ERBB4: variants seen among roughly 807,000 people sequenced by gnomAD.
The protein encoded by ERBB4 is receptor tyrosine-protein kinase erbB-4.
A neutral mutation model predicts 158.0 loss-of-function variants in ERBB4; 42 were observed. The ratio of observed to expected loss-of-function variants is 0.27; its 90% CI spans 0.21 to 0.34. ERBB4 has a LOEUF of 0.34. Ranked by LOEUF, ERBB4 falls within the 10% of genes least tolerant of loss-of-function variation. ERBB4 has a pLI of 1.00. For missense variants in ERBB4, 1,333 were observed against 1,624.1 expected (o/e 0.82, Z 3.08); for synonymous variants, 583 against 558.7 (o/e 1.04, Z -0.61).
intron 8 of ERBB4, among the ~76,000 whole-genome samples, chr2:211,712,646 T>C (rs928605822): frequency 6.6e-6 from 1 of 152,124 alleles, no homozygotes; most frequent in Non-Finnish European, 1.5e-5. Flanking sequence ...GGAGAATATA[T>C]GCAAATAAAG....
rs1159274288 is a variant in ERBB4, at chr2:211,772,924, C to CATATATAT, written c.556+15093_556+15100dup. 3.8e-3 allele frequency among the ~76,000 whole-genome samples: 139 copies of CATATATAT among 36,716 alleles called. 1 individual carries two copies. Among genetic ancestry groups the CATATATAT allele is most frequent in the East Asian group, 9.3e-3 (7 of 752 alleles). The allele number at this position is 36,716 out of a possible 152,430, so 24.1% of individuals were successfully genotyped here. A position where few individuals can be genotyped will look rare whatever the true frequency, so the allele number is the denominator to read the frequency against. On this transcript the variant is annotated intron_variant, in intron 4 of 27. Transcript: ENST00000342788. ...ATATATATATACACACACACACACA[C>CATATATAT]ATATATATATATATATATATATATA...
At chr2:211,395,761 T>G (rs1405489894) in intron 25 of ERBB4, among the ~76,000 whole-genome samples, 2 of 152,060 alleles carry the variant, frequency 1.3e-5, no homozygotes, top group Non-Finnish European at 2.9e-5. Context: ...CAAAACAGGT[T>G]GCCCTTCACA....
intron 5 of ERBB4, among the ~76,000 whole-genome samples, chr2:211,748,986 A>G (rs1046962705): frequency 2.0e-5 from 3 of 152,254 alleles, no homozygotes; most frequent in African/African-American, 7.2e-5. Context: ...TGAATTTCAC[A>G]CAATAATCTC....
chr2:212,383,572 C>T (rs2090580210), intron 1 of ERBB4, among the ~76,000 whole-genome samples: 2 of 151,480 alleles, frequency 1.3e-5, no homozygotes, highest in Non-Finnish European at 3.0e-5. Flanking sequence ...CTTTAACATG[C>T]AATGTTTAAC....
chr2:212,379,833 CTG>C (rs1019241636), intron 1 of ERBB4, among the ~76,000 whole-genome samples: 1 of 148,984 alleles, frequency 6.7e-6, no homozygotes, highest in Non-Finnish European at 1.5e-5. Context: ...GTGTGTGTGT[CTG>C]TGTGTGTGTG....
intron 1 of ERBB4, among the ~76,000 whole-genome samples, chr2:212,178,318 GGACACTA>G (rs2081743348): frequency 6.6e-6 from 1 of 151,398 alleles, no homozygotes; most frequent in African/African-American, 2.4e-5. Flanking sequence ...GCAATTAAGA[GGACACTA>G]AAGGATTTCA....
intron 3 of ERBB4, among the ~76,000 whole-genome samples, chr2:211,843,816 C>T (rs1197159872): frequency 6.6e-6 from 1 of 151,780 alleles, no homozygotes; most frequent in East Asian, 1.9e-4. Context: ...ATCACTAGTA[C>T]TTGATAAATG....
intron 2 of ERBB4, among the ~76,000 whole-genome samples, chr2:212,056,112 C>T (rs529017623): frequency 2.6e-5 from 4 of 152,146 alleles, no homozygotes; most frequent in Admixed American, 6.5e-5. Context: ...AAACATGGCA[C>T]GAGAACTACG....
intron 4 of ERBB4, among the ~76,000 whole-genome samples, chr2:211,771,394 T>C (rs2075688800): frequency 6.6e-6 from 1 of 152,206 alleles, no homozygotes; most frequent in Non-Finnish European, 1.5e-5. Flanking sequence ...GGTGGAAAAT[T>C]GCCATTTTAA....
At chr2:212,048,264 G>A (rs1190782655) in intron 2 of ERBB4, among the ~76,000 whole-genome samples, 1 of 152,140 alleles carries the variant, frequency 6.6e-6, no homozygotes, top group African/African-American at 2.4e-5. Context: ...TACTTTAAGT[G>A]CAATGGGAAT....
intron 1 of ERBB4, among the ~76,000 whole-genome samples, chr2:212,279,885 G>A (rs2085688221): frequency 6.6e-6 from 1 of 151,424 alleles, no homozygotes; most frequent in African/African-American, 2.4e-5. Flanking sequence ...GTTGCATATA[G>A]GCCAAAAATG....
chr2:212,017,679 C>G (rs955394191), intron 2 of ERBB4, among the ~76,000 whole-genome samples: 1 of 152,006 alleles, frequency 6.6e-6, no homozygotes, highest in Non-Finnish European at 1.5e-5. Flanking sequence ...ACTCTTAATA[C>G]CTGGAAGTGA....
chr2:211,711,319 T>C (rs963981512), intron 9 of ERBB4, among the ~76,000 whole-genome samples: 1 of 152,152 alleles, frequency 6.6e-6, no homozygotes, highest in East Asian at 1.9e-4. Context: ...ATATGAGAGA[T>C]ATTCTTTATC....
At chr2:211,946,862 C>T (rs888943850) in intron 3 of ERBB4, among the ~76,000 whole-genome samples, 2 of 151,906 alleles carry the variant, frequency 1.3e-5, no homozygotes, top group Non-Finnish European at 2.9e-5. Flanking sequence ...AGGTTGCTTA[C>T]ATCATATATT....
chr2:211,802,851 T>G (rs921107699), intron 3 of ERBB4, among the ~76,000 whole-genome samples: 1 of 152,200 alleles, frequency 6.6e-6, no homozygotes, highest in Non-Finnish European at 1.5e-5. Context: ...GAGGGAGAAC[T>G]CTGTGAAAGC....
chr2:211,721,815 A>G (rs1316555861), intron 7 of ERBB4, among the ~76,000 whole-genome samples: 1 of 152,076 alleles, frequency 6.6e-6, no homozygotes, highest in Non-Finnish European at 1.5e-5. Flanking sequence ...GAGAAACAGT[A>G]TGATAGGCAA....
chr2:212,246,740 A>G (rs1022355300), intron 1 of ERBB4, among the ~76,000 whole-genome samples: 3 of 152,188 alleles, frequency 2.0e-5, no homozygotes, highest in African/African-American at 7.2e-5. Context: ...TAAGTACTCA[A>G]GAAGAGAAAA....
At chr2:211,452,184 C>T (rs1298315810) in intron 20 of ERBB4, among the ~76,000 whole-genome samples, 4 of 132,554 alleles carry the variant, frequency 3.0e-5, no homozygotes, top group African/African-American at 1.5e-4. Flanking sequence ...AAAATAAACA[C>T]TATTTTTTTT....
Position 212,127,593 on chromosome 2 carries a change from T to C in ERBB4, c.83-2690A>G, listed in dbSNP as rs1020010672. ...GGCAACAGAGCGAGACTCCATCTCATAAATAAATAAATATTTAAAAAAACA... is the reference window on the plus strand; with the variant it reads ...GGCAACAGAGCGAGACTCCATCTCACAAATAAATAAATATTTAAAAAAACA... On this transcript the variant is annotated intron_variant, in intron 1 of 27. Transcript: ENST00000342788. 3.9e-5 allele frequency among the ~76,000 whole-genome samples: 6 copies of C among 152,096 alleles called. 1 individual carries two copies. Among genetic ancestry groups the C allele is most frequent in the Non-Finnish European group, 7.4e-5 (5 of 68,010 alleles).
Sources: gnomAD v4.1 joint callset for allele counts (sites outside exome capture counted in the v4.1 genomes callset) on GRCh38, gnomAD v4.1.1 for gene constraint, MANE v1.5 for transcripts, NCBI Gene and HGNC (gene_info 2026-07-23, HGNC 2026-07-21) for gene names.